Variants in DUS1L observed in about 807,000 individuals in gnomAD.
The protein encoded by DUS1L is tRNA-dihydrouridine(16/17) synthase [NAD(P)(+)]-like.
Under a neutral mutation model 61.2 loss-of-function variants are expected in DUS1L, and 56 were observed. The observed-to-expected ratio is 0.92, with a 90% CI of 0.74 to 1.14. DUS1L has a LOEUF of 1.14. Ranked by LOEUF, DUS1L falls within the 50% of genes most tolerant of loss-of-function variation. The pLI, the probability that DUS1L is intolerant of heterozygous loss-of-function variation, is 0.00. For missense variants in DUS1L, 630 were observed against 632.4 expected (o/e 1.00, Z 0.04); for synonymous variants, 278 against 259.5 (o/e 1.07, Z -0.69).
intron 2 of DUS1L, 130 bp from the exon 3 acceptor site, chr17:82,064,364 C>T (rs1478186582): frequency 1.4e-6 from 1 of 717,284 alleles, no homozygotes; most frequent in Non-Finnish European, 2.3e-6. Context: ...GTGCTCTGTC[C>T]TGCGGAGGCT....
chr17:82,063,393 A>G (rs2033604462), intron 4 of DUS1L, 75 bp downstream of exon 4: 1 of 1,603,926 alleles, frequency 6.2e-7, no homozygotes, highest in South Asian at 1.1e-5. Context: ...CCTGAGCCCC[A>G]ACCAAGTGGA....
intron 11 of DUS1L, 128 bp downstream of exon 11, chr17:82,059,820 A>T: frequency 7.3e-7 from 1 of 1,371,990 alleles, no homozygotes; most frequent in Non-Finnish European, 1.0e-6. Flanking sequence ...CAAGCCCTCC[A>T]GGTGTCTGCT....
Position 82,062,878 on chromosome 17 carries a change from C to T in DUS1L, c.493G>A (p.Glu165Lys). The T allele has an allele frequency of 6.2e-7, 1 of 1,612,802 alleles. No individual in the cohort carries two copies. The highest frequency in any genetic ancestry group is 1.7e-5 in the Admixed American group (1 of 60,024). Reference sequence around the variant, plus strand: ...GGGCTCACCTGGCAGCCGGCCTTCTCCAGCATCTGGGCGTACCTCACGGTC... The same window carrying T: ...GGGCTCACCTGGCAGCCGGCCTTCTTCAGCATCTGGGCGTACCTCACGGTC... ...DKTVRYAQML[E>K]KAGCQLLTVH... The change falls in exon 5 of 14, where the codon GAG becomes AAG. Residue 165 changes from glutamate to lysine, a missense_variant. Glu to Lys is a moderately conservative substitution (Grantham distance 56, BLOSUM62 1). Coordinates refer to ENST00000306796, the MANE Select transcript of DUS1L (RefSeq NM_022156.5).
In DUS1L at chr17:82,058,584, C is replaced by G. The variant is rs534334913; in HGVS notation, c.1207-168G>C. ...TGCCTCTCCCTCACCCCCACCCACCCAGACTCTCTTCCCCTCCAGGCCTGG... is the reference window on the plus strand; with the variant it reads ...TGCCTCTCCCTCACCCCCACCCACCGAGACTCTCTTCCCCTCCAGGCCTGG... On this transcript the variant is annotated intron_variant, in intron 12 of 13. Coordinates refer to ENST00000306796, the MANE Select transcript of DUS1L (RefSeq NM_022156.5). The G allele has an allele frequency of 1.3e-4, 195 of 1,456,852 alleles. No homozygotes were observed. In the African/African-American group the frequency reaches 2.6e-3, roughly 19 times the overall value. 90.2% of individuals were successfully genotyped at this position (1,456,852 alleles called of 1,614,324 possible).
intron 2 of DUS1L, 22 bp from the exon 3 acceptor site, chr17:82,064,256 G>T (rs1365014679): frequency 3.1e-6 from 5 of 1,601,616 alleles, no homozygotes; most frequent in Non-Finnish European, 4.3e-6. Context: ...GCAGGAGTCA[G>T]CCACGGGCCC....
chr17:82,057,522 C>G lies in DUS1L; in HGVS notation c.*593G>C. The G allele has an allele frequency of 2.9e-6, 1 of 346,228 alleles. No homozygotes were observed. The highest frequency in any genetic ancestry group is 5.7e-6 in the Non-Finnish European group (1 of 176,944). 21.4% of individuals were successfully genotyped at this position (346,228 alleles called of 1,614,324 possible). On this transcript the variant is annotated 3_prime_UTR_variant, in exon 14 of 14. Transcript: ENST00000306796. ...CAGGCTCTGGTCACCCCTGGGTGGC[C>G]TTGGGTTCCTGAGGGCTGTCTCCCT...
At chr17:82,062,653 C>T (rs909776112) in intron 5 of DUS1L, among the ~76,000 whole-genome samples, 1 of 152,248 alleles carries the variant, frequency 6.6e-6, no homozygotes, top group African/African-American at 2.4e-5. Context: ...AGGGACAAAA[C>T]CCTGGAGCCA....
chr17:82,061,242 A>T lies in DUS1L; in HGVS notation c.809T>A (p.Val270Asp). ...VREHPCPLSY[V>D]RAHLFKLWHH... is the part of the protein sequence containing the mutation. ...CCACAGCTTGAAGAGGTGGGCCCGG[A>T]CGTAGGACAGGGGGCAGGGGTGCTC... The change falls in exon 8 of 14, where the codon GTC (valine) becomes GAC (aspartate). Residue 270 changes from valine (V) to aspartate (D), a missense_variant. Val to Asp is a radical substitution (Grantham distance 152). Transcript: ENST00000306796. The T allele has an allele frequency of 6.2e-7, 1 of 1,607,490 alleles. No individual in the cohort carries two copies. The highest frequency in any genetic ancestry group is 8.5e-7 in the Non-Finnish European group (1 of 1,176,806).
intron 12 of DUS1L, 49 bp downstream of exon 12, chr17:82,058,732 C>A (rs771922140): frequency 1.2e-6 from 2 of 1,611,758 alleles, no homozygotes; most frequent in Non-Finnish European, 1.7e-6. Context: ...ACCACCCTGC[C>A]CACCCCCAAA....
At position 82,058,335 on chromosome 17, in the gene DUS1L, C is replaced by T. The variant is rs546981229; in HGVS notation, c.1282+6G>A. 2.0e-6 allele frequency: 3 copies of T among 1,512,944 alleles called. No individual in the cohort carries two copies. Among genetic ancestry groups the T allele is most frequent in the South Asian group, 2.6e-5 (2 of 76,410 alleles). 93.7% of individuals were successfully genotyped at this position (1,512,944 alleles called of 1,614,324 possible). On this transcript the variant is annotated splice_donor_region_variant and intron_variant, in intron 13 of 13. Transcript: ENST00000306796. ...CTGCTGCGGGGCGGGTGGTAGGCGC[C>T]CTCACCTGGGCAGTCTGCAGTCTCT...
chr17:82,061,477 C>T (rs1370534675), intron 7 of DUS1L, 124 bp from the exon 8 acceptor site: 5 of 1,451,502 alleles, frequency 3.4e-6, no homozygotes, highest in Non-Finnish European at 4.7e-6. Flanking sequence ...AGCTCAGGCC[C>T]ATCAGAGCAG....
chr17:82,060,420 A>G lies in DUS1L; in HGVS notation c.1022+281T>C, dbSNP rs1179580703. 12 of 581,678 alleles carry G rather than the reference A, an allele frequency of 2.1e-5. No homozygotes were observed. The Admixed American group carries it at 2.1e-4, about 10-fold the overall frequency. The allele number at this position is 581,678 out of a possible 1,614,324, so 36.0% of individuals were successfully genotyped here. A position where few individuals can be genotyped will look rare whatever the true frequency, so the allele number is the denominator to read the frequency against. On this transcript the variant is annotated intron_variant, in intron 10 of 13. Coordinates refer to ENST00000306796, the MANE Select transcript of DUS1L (RefSeq NM_022156.5). ...ACCCACGGGCAAATCCACCAGGATC[A>G]GAGGAGCTCAGAGAAGTATGTTATG...
chr17:82,059,648 GCAGCCGCAGGGA>G, intron 11 of DUS1L: 1 of 407,616 alleles, frequency 2.5e-6, no homozygotes, highest in Non-Finnish European at 4.4e-6. Flanking sequence ...CTGGGCAGGG[GCAGCCGCAGGGA>G]CCCGAGGCCC....
Position 82,058,097 on chromosome 17 carries a change from G to A in DUS1L, c.*18C>T. The A allele has an allele frequency of 6.6e-7, 1 of 1,526,298 alleles. No individual in the cohort carries two copies. The highest frequency in any genetic ancestry group is 1.2e-5 in the South Asian group (1 of 80,734). The allele number at this position is 1,526,298 out of a possible 1,614,324, so 94.5% of individuals were successfully genotyped here. ...TCCAGGCTCCAGCAGCAGTCCTGGGGGTGGGGGTTGTGGGCCTTCAGGCCA... is the reference window on the plus strand; with the variant it reads ...TCCAGGCTCCAGCAGCAGTCCTGGGAGTGGGGGTTGTGGGCCTTCAGGCCA... On this transcript the variant is annotated 3_prime_UTR_variant, in exon 14 of 14. Coordinates refer to ENST00000306796, the MANE Select transcript of DUS1L (RefSeq NM_022156.5).
intron 3 of DUS1L, among the ~76,000 whole-genome samples, 188 bp downstream of exon 3, chr17:82,063,938 C>T (rs2033636795): frequency 6.6e-6 from 1 of 152,224 alleles, no homozygotes; most frequent in African/African-American, 2.4e-5. Flanking sequence ...AGGGCTCGGC[C>T]CCTAGCCCCC....
intron 3 of DUS1L, among the ~76,000 whole-genome samples, chr17:82,063,782 G>A (rs749725430): frequency 5.9e-5 from 9 of 152,182 alleles, no homozygotes; most frequent in South Asian, 4.1e-4. Flanking sequence ...CACCCTGCAC[G>A]GTCTGGAACC....
At position 82,062,959 on chromosome 17, in the gene DUS1L, C is replaced by T. The variant is rs746891949; in HGVS notation, c.412G>A (p.Glu138Lys). The T allele has an allele frequency of 5.6e-6, 9 of 1,612,882 alleles. No individual in the cohort carries two copies. Among genetic ancestry groups the T allele is most frequent in the Admixed American group, 5.0e-5 (3 of 60,024 alleles). Residue 138 changes from glutamate (E) to lysine (K), a missense_variant, in exon 5 of 14, where the codon GAG (glutamate) becomes AAG (lysine). Coordinates refer to ENST00000306796, the MANE Select transcript of DUS1L (RefSeq NM_022156.5). ...LLQRMILLAHEKLSVPVTCKI... is the reference protein window; with the variant it reads ...LLQRMILLAHKKLSVPVTCKI... ...CACGTGACAGGAACAGAGAGTTTCTCGTGGGCCAGCAAAACTGGGGAGAAG... is the reference window on the plus strand; with the variant it reads ...CACGTGACAGGAACAGAGAGTTTCTTGTGGGCCAGCAAAACTGGGGAGAAG...
chr17:82,057,572 T>C lies in DUS1L; in HGVS notation c.*543A>G. 2 of 291,036 alleles carry C rather than the reference T, an allele frequency of 6.9e-6. No individual in the cohort carries two copies. Among genetic ancestry groups the C allele is most frequent in the Non-Finnish European group, 1.4e-5 (2 of 147,148 alleles). 18.0% of individuals were successfully genotyped at this position (291,036 alleles called of 1,614,324 possible). A position where few individuals can be genotyped will look rare whatever the true frequency, so the allele number is the denominator to read the frequency against. On this transcript the variant is annotated 3_prime_UTR_variant, in exon 14 of 14. Coordinates refer to ENST00000306796, the MANE Select transcript of DUS1L (RefSeq NM_022156.5). ...TGGGACTAGGCTTGGAGGCAGGGCC[T>C]GGTGAGAGAAATGAGAAGCCTGGCC...
chr17:82,064,888 C>A lies in DUS1L; in HGVS notation c.172G>T (p.Ala58Ser). 2 of 1,612,708 alleles carry A rather than the reference C, an allele frequency of 1.2e-6. No individual in the cohort carries two copies. The highest frequency in any genetic ancestry group is 1.7e-6 in the Non-Finnish European group (2 of 1,179,880). Residue 58 changes from alanine (A) to serine (S), a missense_variant, in exon 2 of 14, where the codon GCC becomes TCC. Transcript: ENST00000306796. ...MLHAQVFVRD[A>S]NYRKENLYCE... ...TACAGGTTCTCCTTCCGGTAGTTGG[C>A]GTCGCGGACAAAGACCTGGGCATGC... is the stretch of plus-strand genomic sequence containing the variant.
Sources: gnomAD v4.1 joint callset for allele counts (sites outside exome capture counted in the v4.1 genomes callset) on GRCh38, gnomAD v4.1.1 for gene constraint, MANE v1.5 for transcripts, NCBI Gene and HGNC (gene_info 2026-07-23, HGNC 2026-07-21) for gene names.